The following PCDHGA2 variants were observed in gnomAD, a reference collection of about 807,000 sequenced individuals.
The protein encoded by PCDHGA2 is protocadherin gamma-A2.
In PCDHGA2, 40 loss-of-function variants were observed where a neutral mutation model predicts 59.2. That is an observed-to-expected ratio of 0.68 (90% CI 0.52 to 0.88). PCDHGA2 has a LOEUF of 0.88. PCDHGA2 is among the 40% of genes least tolerant of loss of function. PCDHGA2 has a pLI of 0.00. For missense variants in PCDHGA2, 1,226 were observed against 1,204.0 expected (o/e 1.02, Z -0.27); for synonymous variants, 560 against 526.0 (o/e 1.06, Z -0.89).
chr5:141,433,641 G>T (rs1177387884), intron 1 of PCDHGA2, among the ~76,000 whole-genome samples: 1 of 152,104 alleles, frequency 6.6e-6, no homozygotes, highest in Admixed American at 6.5e-5. Flanking sequence ...TTTGAGACCA[G>T]CCTGACCAAC....
intron 1 of PCDHGA2, among the ~76,000 whole-genome samples, chr5:141,455,445 C>T (rs1175054167): frequency 6.6e-6 from 1 of 152,134 alleles, no homozygotes; most frequent in Non-Finnish European, 1.5e-5. Context: ...TCCCCATCTA[C>T]CGCGGATACC....
At chr5:141,474,997 A>C (rs2154572220) in intron 1 of PCDHGA2, among the ~76,000 whole-genome samples, 1 of 152,376 alleles carries the variant, frequency 6.6e-6, no homozygotes, top group African/African-American at 2.4e-5. Flanking sequence ...ACAATTCTAA[A>C]TGCAGAAAAG....
intron 1 of PCDHGA2, among the ~76,000 whole-genome samples, chr5:141,463,191 C>T (rs2099054821): frequency 6.6e-6 from 1 of 152,100 alleles, no homozygotes; most frequent in Non-Finnish European, 1.5e-5. Flanking sequence ...TATTATTTAG[C>T]CAAAGACTTG....
intron 1 of PCDHGA2, chr5:141,360,842 A>G (rs1016848749): frequency 7.4e-6 from 12 of 1,614,028 alleles, no homozygotes; most frequent in Non-Finnish European, 1.0e-5. Flanking sequence ...ACGGATGCCA[A>G]CGATAACCCT....
chr5:141,355,062 GC>G, intron 1 of PCDHGA2: 1 of 1,307,734 alleles, frequency 7.6e-7, no homozygotes, highest in Non-Finnish European at 1.0e-6. Flanking sequence ...TGGCTCTGGA[GC>G]TTTATGAAAG....
At chr5:141,464,008 G>A (rs1484928987) in intron 1 of PCDHGA2, among the ~76,000 whole-genome samples, 6 of 151,674 alleles carry the variant, frequency 4.0e-5, no homozygotes, top group Non-Finnish European at 7.4e-5. Flanking sequence ...GCTCATGCTT[G>A]TAATCCCACA....
chr5:141,392,916 G>A, intron 1 of PCDHGA2: 1 of 1,613,936 alleles, frequency 6.2e-7, no homozygotes, highest in Non-Finnish European at 8.5e-7. Context: ...TCGCTACTCT[G>A]TGCCAGAAGA....
rs548074156 is a variant in PCDHGA2 at position 141,511,069 on chromosome 5, G to A, written c.2695G>A (p.Gly899Ser). The A allele has an allele frequency of 6.2e-7, 1 of 1,614,230 alleles. No individual in the cohort carries two copies. Among genetic ancestry groups the A allele is most frequent in the Non-Finnish European group, 8.5e-7 (1 of 1,180,034 alleles). ...CTACCGCCAGAATGTCTACATCCCA[G>A]GCAGCAATGCCACACTGACCAACGC... ...PDYRQNVYIP[G>S]SNATLTNAAG... The change falls in exon 4 of 4, where the codon GGC becomes AGC. Residue 899 changes from glycine (G) to serine (S), a missense_variant. Physicochemically the swap from Gly to Ser is moderately conservative, Grantham distance 56 (BLOSUM62 0). Transcript: ENST00000394576.
chr5:141,395,518 C>T (rs1046650715), intron 1 of PCDHGA2: 2 of 412,004 alleles, frequency 4.9e-6, no homozygotes, highest in Admixed American at 4.2e-5. Context: ...AGCTACCCGT[C>T]CATACTGGTA....
intron 1 of PCDHGA2, chr5:141,403,166 A>G (rs907710099): frequency 1.2e-6 from 2 of 1,614,002 alleles, no homozygotes; most frequent in Non-Finnish European, 1.7e-6. Flanking sequence ...TAGAGGTAGG[A>G]CGCAGCTTTT....
rs376819906 is a variant in PCDHGA2 at position 141,418,227 on chromosome 5, T to C, written c.2425-76580T>C. On this transcript the variant is annotated intron_variant, in intron 1 of 3. Transcript: ENST00000394576. ...AATATTTTTCATGTCATTGTGGTGA[T>C]TGAGGATGTTAATGACCACGCCCCT... The C allele has an allele frequency of 6.8e-6, 11 of 1,613,856 alleles. No homozygotes were observed. In the South Asian group the frequency reaches 7.7e-5, roughly 11 times the overall value.
Position 141,338,925 on chromosome 5 carries a change from C to T in PCDHGA2, c.-47C>T. On this transcript the variant is annotated 5_prime_UTR_variant, in exon 1 of 4. Coordinates refer to ENST00000394576, the MANE Select transcript of PCDHGA2 (RefSeq NM_018915.4). ...CCTGAGGAATAAAGATTGGAATCCG[C>T]ACTGGATGCTGGAAGTTGACTCGGA... 3 of 1,518,902 alleles carry T rather than the reference C, an allele frequency of 2.0e-6. No individual in the cohort carries two copies. Among genetic ancestry groups the T allele is most frequent in the Non-Finnish European group, 2.6e-6 (3 of 1,133,656 alleles). 94.1% of individuals were successfully genotyped at this position (1,518,902 alleles called of 1,614,324 possible).
At chr5:141,422,871 G>C in intron 1 of PCDHGA2, 3 of 1,614,216 alleles carry the variant, frequency 1.9e-6, no homozygotes, top group South Asian at 1.1e-5. Flanking sequence ...GCAACGTGTC[G>C]CTGAGCCTGT....
chr5:141,476,018 A>G lies in PCDHGA2; in HGVS notation c.2425-18789A>G. 7.3e-7 allele frequency: 1 copy of G among 1,371,412 alleles called. No homozygotes were observed. Among genetic ancestry groups the G allele is most frequent in the African/African-American group, 1.4e-5 (1 of 69,226 alleles). The allele number at this position is 1,371,412 out of a possible 1,614,324, so 85.0% of individuals were successfully genotyped here. A position where few individuals can be genotyped will look rare whatever the true frequency, so the allele number is the denominator to read the frequency against. The stretch of plus-strand genomic sequence containing the variant: ...AACGGCATCCAGAAAGCCATGTCGG[A>G]CTCGGCGCCCAGCGCCCAAGCGCTA... On this transcript the variant is annotated intron_variant, in intron 1 of 3. Coordinates refer to ENST00000394576, the MANE Select transcript of PCDHGA2 (RefSeq NM_018915.4). This position sits in a 1 kb window ranked among gnomAD's most constrained non-coding sequence, Gnocchi z 7.6.
chr5:141,403,100 A>G (rs1295654527), intron 1 of PCDHGA2: 5 of 1,613,992 alleles, frequency 3.1e-6, no homozygotes, highest in Non-Finnish European at 4.2e-6. Flanking sequence ...CAACATCTCC[A>G]AGGACCTGGC....
intron 1 of PCDHGA2, chr5:141,419,781 G>T: frequency 6.2e-7 from 1 of 1,614,032 alleles, no homozygotes; most frequent in Non-Finnish European, 8.5e-7. Context: ...GTCCGCCAGC[G>T]CCTGCTAGTC....
chr5:141,402,223 T>C (rs1329025694), intron 1 of PCDHGA2, among the ~76,000 whole-genome samples: 1 of 152,054 alleles, frequency 6.6e-6, no homozygotes, highest in Non-Finnish European at 1.5e-5. Context: ...AAATAAACGT[T>C]TTTCCAGGAA....
At position 141,338,794 on chromosome 5, in the gene PCDHGA2, T is replaced by G. The variant is rs1588445055; in HGVS notation, c.-178T>G. ...ATACGGCTCCCACAGCACAAGGGGG[T>G]GGAGGTTTGGCCCTAAAGCTTCAGG... On this transcript the variant is annotated 5_prime_UTR_variant, in exon 1 of 4. Transcript: ENST00000394576. 1.5e-6 allele frequency: 2 copies of G among 1,334,804 alleles called. No homozygotes were observed. Among genetic ancestry groups the G allele is most frequent in the South Asian group, 2.3e-5 (1 of 43,498 alleles). The allele number at this position is 1,334,804 out of a possible 1,614,324, so 82.7% of individuals were successfully genotyped here. A position where few individuals can be genotyped will look rare whatever the true frequency, so the allele number is the denominator to read the frequency against.
chr5:141,414,283 G>A, intron 1 of PCDHGA2: 1 of 1,613,520 alleles, frequency 6.2e-7, no homozygotes, highest in South Asian at 1.1e-5. Flanking sequence ...GGGAACAGTC[G>A]TAGCCCTTTT....
Sources: allele counts gnomAD v4.1 joint callset (sites outside exome capture counted in the v4.1 genomes callset), GRCh38; gene constraint gnomAD v4.1.1; non-coding constraint Gnocchi (gnomAD v3.1); transcripts MANE v1.5; gene names NCBI Gene and HGNC (gene_info 2026-07-23, HGNC 2026-07-21).